Variants in LAMB1 observed in about 807,000 individuals in gnomAD.
LAMB1 encodes laminin subunit beta-1.
In LAMB1, 121 loss-of-function variants were observed where a neutral mutation model predicts 222.3. The ratio of observed to expected loss-of-function variants is 0.54; its 90% CI spans 0.47 to 0.63. LAMB1 has a LOEUF of 0.63. LAMB1 is among the 30% of genes least tolerant of loss of function. The probability of loss-of-function intolerance (pLI) is 0.00; values close to 1 mark genes in which losing one functional copy is unlikely to be tolerated. For synonymous variants in LAMB1, 794 were observed against 807.2 expected, an observed-to-expected ratio of 0.98 and a Z score of 0.28; for missense variants, 2,172 against 2,240.8, an observed-to-expected ratio of 0.97 and a Z score of 0.62.
intron 23 of LAMB1, 41 bp from the exon 24 acceptor site, chr7:107,951,363 C>T: frequency 1.3e-6 from 2 of 1,572,272 alleles, no homozygotes; most frequent in Non-Finnish European, 1.7e-6. Flanking sequence ...AGGCTTCAGG[C>T]CAGAAGCCAG....
At chr7:107,985,648 AAAAC>A (rs1338901848) in intron 7 of LAMB1, among the ~76,000 whole-genome samples, 28 of 148,126 alleles carry the variant, frequency 1.9e-4, no homozygotes, top group African/African-American at 6.5e-4. Flanking sequence ...AAAACAAAAC[AAAAC>A]AAACAAACAA....
intron 8 of LAMB1, among the ~76,000 whole-genome samples, chr7:107,978,879 T>TTACG (rs2033920629): frequency 6.6e-6 from 1 of 152,238 alleles, no homozygotes; most frequent in Non-Finnish European, 1.5e-5. Context: ...GATAAATGAA[T>TTACG]TACGGCCTTT....
At chr7:107,946,821 A>G (rs1311016130) in intron 24 of LAMB1, among the ~76,000 whole-genome samples, 1 of 152,188 alleles carries the variant, frequency 6.6e-6, no homozygotes, top group African/African-American at 2.4e-5. Context: ...TGGGCAAAAG[A>G]ACACACTGTG....
At chr7:108,002,159 C>G (rs748962866) in intron 2 of LAMB1, 1 of 1,440,662 alleles carries the variant, frequency 6.9e-7, no homozygotes, top group South Asian at 1.2e-5. Flanking sequence ...ACGCGGCAGC[C>G]CGCGCATCCT....
At chr7:108,002,429 A>T (rs1033807012) in intron 2 of LAMB1, 4 of 1,314,196 alleles carry the variant, frequency 3.0e-6, no homozygotes, top group Non-Finnish European at 4.0e-6. Context: ...TTAAAGCCAC[A>T]TGGCCCCCAT....
intron 20 of LAMB1, among the ~76,000 whole-genome samples, chr7:107,958,385 A>G (rs1221652065): frequency 6.6e-6 from 1 of 152,224 alleles, no homozygotes; most frequent in East Asian, 1.9e-4. Context: ...GAACATCTTC[A>G]TGCCAAAAGT....
chr7:107,961,528 C>T (rs2033500588), intron 16 of LAMB1, 21 bp downstream of exon 16: 1 of 1,602,868 alleles, frequency 6.2e-7, no homozygotes, highest in Non-Finnish European at 8.5e-7. Flanking sequence ...CGTTGAGCTG[C>T]CAAACCACCG....
chr7:107,984,335 AC>A (rs1027557252), intron 7 of LAMB1, among the ~76,000 whole-genome samples: 7 of 151,682 alleles, frequency 4.6e-5, no homozygotes, highest in African/African-American at 1.7e-4. Flanking sequence ...TGCAACCTCC[AC>A]CTCCTGGGTT....
intron 13 of LAMB1, among the ~76,000 whole-genome samples, chr7:107,965,390 A>G (rs1436045251): frequency 6.6e-6 from 1 of 152,138 alleles, no homozygotes; most frequent in African/African-American, 2.4e-5. Flanking sequence ...GACCAGCCTC[A>G]CCAACATGGA....
chr7:107,958,417 A>G (rs1307913921), intron 20 of LAMB1, among the ~76,000 whole-genome samples: 1 of 152,212 alleles, frequency 6.6e-6, no homozygotes, highest in African/African-American at 2.4e-5. Context: ...TCAGTTTTTC[A>G]CTAACAATTT....
chr7:107,932,099 C>T, intron 28 of LAMB1, 75 bp downstream of exon 28: 1 of 1,301,434 alleles, frequency 7.7e-7, no homozygotes, highest in South Asian at 1.2e-5. Context: ...GAATTGATTT[C>T]TCCCTTTCAG....
rs746484766 is a variant in LAMB1, at chr7:107,959,393, C to T, written c.2546G>A (p.Arg849Gln). The T allele has an allele frequency of 6.8e-6, 11 of 1,614,088 alleles. No homozygotes were observed. Among genetic ancestry groups the T allele is most frequent in the East Asian group, 2.2e-5 (1 of 44,894 alleles). ...QCHCFQGVYARQCDRCLPGHW... is the reference protein window; with the variant it reads ...QCHCFQGVYAQQCDRCLPGHW... ...CCCAGGTAAGCACCGATCACACTGC[C>T]GAGCATACACTCCCTGGAAACAGTG... Residue 849 changes from arginine to glutamine, a missense_variant, in exon 20 of 34, where the codon CGG becomes CAG. Arg to Gln is a conservative substitution (Grantham distance 43). Coordinates refer to ENST00000222399, the MANE Select transcript of LAMB1 (RefSeq NM_002291.3).
rs1319736016 is a variant in LAMB1 at position 107,937,215 on chromosome 7, G to A, written c.3824C>T (p.Thr1275Ile). 1 of 1,613,936 alleles carries A rather than the reference G, an allele frequency of 6.2e-7. No individual in the cohort carries two copies. Among genetic ancestry groups the A allele is most frequent in the South Asian group, 1.1e-5 (1 of 91,076 alleles). ...TTTGGCTGTGCTGTTGCTTTGGGAAGTTGTGTCAGATAATTTCACTTCTAC... is the reference window on the plus strand; with the variant it reads ...TTTGGCTGTGCTGTTGCTTTGGGAAATTGTGTCAGATAATTTCACTTCTAC... ...AQVEVKLSDT[T>I]SQSNSTAKEL... The change falls in exon 26 of 34, where the codon ACT becomes ATT. Residue 1275 changes from threonine to isoleucine, a missense_variant. Transcript: ENST00000222399.
chr7:107,989,129 A>C lies in LAMB1; in HGVS notation c.424-2766T>G, dbSNP rs563577712. The stretch of plus-strand genomic sequence containing the variant: ...TCAGAGGGAAAAGAGAAAAAAAGGC[A>C]GTCTTCTGAAACCAAGGCAGGAGGG... On this transcript the variant is annotated intron_variant, in intron 5 of 33. Coordinates refer to ENST00000222399, the MANE Select transcript of LAMB1 (RefSeq NM_002291.3). Among the ~76,000 whole-genome samples the C allele has an allele frequency of 3.3e-5, 5 of 152,328 alleles. No individual in the cohort carries two copies. The South Asian group carries it at 1.0e-3, about 32-fold the overall frequency.
At chr7:107,993,479 G>A (rs773878854) in intron 5 of LAMB1, among the ~76,000 whole-genome samples, 6 of 152,024 alleles carry the variant, frequency 3.9e-5, no homozygotes, top group Admixed American at 2.0e-4. Context: ...CATCACCCCC[G>A]TTTTACCTTC....
chr7:107,935,635 T>C lies in LAMB1; in HGVS notation c.3968A>G (p.Lys1323Arg), dbSNP rs769505407. 4.5e-5 allele frequency: 72 copies of C among 1,613,912 alleles called. No individual in the cohort carries two copies. The highest frequency in any genetic ancestry group is 5.9e-5 in the Non-Finnish European group (70 of 1,179,990). ...TGCCTCAAGAGACATCTGGAAATACTTGGTAATGCTATCCAAGGCACCTAG... is the reference window on the plus strand; with the variant it reads ...TGCCTCAAGAGACATCTGGAAATACCTGGTAATGCTATCCAAGGCACCTAG... ...DIRGALDSIT[K>R]YFQMSLEAEE... The change falls in exon 27 of 34, where the codon AAG becomes AGG. Residue 1323 changes from lysine (K) to arginine (R), a missense_variant. Lys to Arg is a conservative substitution (Grantham distance 26). Coordinates refer to ENST00000222399, the MANE Select transcript of LAMB1 (RefSeq NM_002291.3).
chr7:107,959,672 A>G lies in LAMB1; in HGVS notation c.2458+19T>C, dbSNP rs373022487. On this transcript the variant is annotated intron_variant, in intron 19 of 33. Transcript: ENST00000222399. Reference sequence around the variant, plus strand: ...AGTTAATCTGAATGAATGCATAACAATGCTTTTGAGGAACCTACGTTTGCA... The same window carrying G: ...AGTTAATCTGAATGAATGCATAACAGTGCTTTTGAGGAACCTACGTTTGCA... 3.5e-5 allele frequency: 57 copies of G among 1,614,080 alleles called. No homozygotes were observed. The highest frequency in any genetic ancestry group is 2.2e-5 in the East Asian group (1 of 44,898).
intron 13 of LAMB1, among the ~76,000 whole-genome samples, chr7:107,970,984 G>A (rs1041013872): frequency 3.3e-5 from 5 of 152,082 alleles, no homozygotes; most frequent in East Asian, 1.9e-4. Context: ...CTGGCGCGCC[G>A]GCCTCCCAAA....
intron 32 of LAMB1, among the ~76,000 whole-genome samples, chr7:107,925,779 A>G (rs1025043304): frequency 6.6e-6 from 1 of 152,074 alleles, no homozygotes. Flanking sequence ...CTCTGTTCCA[A>G]CCTGCTTGTA....
Sources: gnomAD v4.1 joint callset for allele counts (sites outside exome capture counted in the v4.1 genomes callset) on GRCh38, gnomAD v4.1.1 for gene constraint, MANE v1.5 for transcripts, NCBI Gene and HGNC (gene_info 2026-07-23, HGNC 2026-07-21) for gene names.